The following TMEM170B variants were observed in gnomAD, a reference collection of about 807,000 sequenced individuals.
TMEM170B encodes transmembrane protein 170B.
In TMEM170B, 6 loss-of-function variants were observed where a neutral mutation model predicts 13.0. That is an observed-to-expected ratio of 0.46 (90% CI 0.25 to 0.91). The LOEUF (loss-of-function observed/expected upper bound fraction) is 0.91, where lower values mean the gene tolerates loss of function less well. TMEM170B is among the 40% of genes least tolerant of loss of function. The pLI is 0.17. For synonymous variants in TMEM170B, 61 were observed against 64.9 expected, an observed-to-expected ratio of 0.94 and a Z score of 0.29; for missense variants, 138 against 165.2, an observed-to-expected ratio of 0.84 and a Z score of 0.90.
rs945409524 is a variant in TMEM170B at position 11,561,867 on chromosome 6, A to G, written c.98-3799A>G. On this transcript the variant is annotated intron_variant, in intron 1 of 2. Transcript: ENST00000379426. The stretch of plus-strand genomic sequence containing the variant: ...TTTTGATACCTTTGGTTTTTATAAA[A>G]CATTAAACTGAAATTTTACTTTGCC... Among the ~76,000 whole-genome samples, 121 of 152,188 alleles carry G rather than the reference A, an allele frequency of 8.0e-4. 1 individual carries two copies. Among genetic ancestry groups the G allele is most frequent in the Non-Finnish European group, 1.4e-3 (95 of 68,028 alleles).
At chr6:11,553,674 T>C (rs2113769155) in intron 1 of TMEM170B, among the ~76,000 whole-genome samples, 1 of 152,326 alleles carries the variant, frequency 6.6e-6, no homozygotes, top group Admixed American at 6.5e-5. Context: ...TAAGAAAAGT[T>C]TAGAGGTTTT....
chr6:11,545,843 TA>T (rs11426753), intron 1 of TMEM170B, among the ~76,000 whole-genome samples: 1 of 145,564 alleles, frequency 6.9e-6, no homozygotes. Context: ...CTGTGTCTAC[TA>T]AAAAAAAAAT....
In TMEM170B at chr6:11,581,004, T is replaced by C. The variant is rs1348589542; in HGVS notation, c.*5443T>C. 6.6e-6 allele frequency: 1 copy of C among 152,190 alleles called. No individual in the cohort carries two copies. Among genetic ancestry groups the C allele is most frequent in the African/African-American group, 2.4e-5 (1 of 41,432 alleles). The allele number at this position is 152,190 out of a possible 1,614,324, so 9.4% of individuals were successfully genotyped here. On this transcript the variant is annotated 3_prime_UTR_variant, in exon 3 of 3. Coordinates refer to ENST00000379426, the MANE Select transcript of TMEM170B (RefSeq NM_001100829.3). ...CAGTGTTGTTAGGGAGGTTGCTGAA[T>C]TATCTAAAAATGTATCCATGAATTT... is the stretch of plus-strand genomic sequence containing the variant.
chr6:11,560,844 T>G (rs920933519), intron 1 of TMEM170B, among the ~76,000 whole-genome samples: 2 of 152,212 alleles, frequency 1.3e-5, no homozygotes, highest in Admixed American at 1.3e-4. Flanking sequence ...TTACTCAGTA[T>G]TTTTTAGACA....
In TMEM170B at chr6:11,580,324, A is replaced by G. The variant is rs1339966721; in HGVS notation, c.*4763A>G. On this transcript the variant is annotated 3_prime_UTR_variant, in exon 3 of 3. Coordinates refer to ENST00000379426, the MANE Select transcript of TMEM170B (RefSeq NM_001100829.3). ...TGCCGTGCCCAGCCTATTTTTTTTT[A>G]ACTTCAAATACTATTATTTTAAATT... The G allele has an allele frequency of 6.6e-6, 1 of 151,924 alleles. No homozygotes were observed. Among genetic ancestry groups the G allele is most frequent in the Non-Finnish European group, 1.5e-5 (1 of 67,974 alleles). 9.4% of individuals were successfully genotyped at this position (151,924 alleles called of 1,614,324 possible).
chr6:11,567,455 C>T (rs1185191294), intron 2 of TMEM170B, among the ~76,000 whole-genome samples: 1 of 152,162 alleles, frequency 6.6e-6, no homozygotes, highest in Non-Finnish European at 1.5e-5. Flanking sequence ...CTTTATGATG[C>T]AAGGGATTCC....
At chr6:11,558,633 C>T (rs1281325648) in intron 1 of TMEM170B, among the ~76,000 whole-genome samples, 3 of 152,178 alleles carry the variant, frequency 2.0e-5, no homozygotes, top group Non-Finnish European at 4.4e-5. Context: ...CTTATCGCAC[C>T]TCCAACATGA....
chr6:11,555,448 C>G (rs1759575544), intron 1 of TMEM170B, among the ~76,000 whole-genome samples: 2 of 152,034 alleles, frequency 1.3e-5, no homozygotes. Context: ...CTGTGAGAGT[C>G]TTGGATTTGT....
rs1263249658 is a variant in TMEM170B at position 11,538,101 on chromosome 6, G to GCC, written c.-171_-170dup. ...GGCTGCCTGGGAGACACGCTGAGCG[G>GCC]CCCCCCCACGGAGGCCCTCCGGCTG... is the stretch of plus-strand genomic sequence containing the variant. On this transcript the variant is annotated 5_prime_UTR_variant, in exon 1 of 3. Transcript: ENST00000379426. Among the ~76,000 whole-genome samples the GCC allele has an allele frequency of 6.6e-6, 1 of 150,806 alleles. No homozygotes were observed. The highest frequency in any genetic ancestry group is 1.5e-5 in the Non-Finnish European group (1 of 67,488).
chr6:11,567,604 T>A (rs912439815), intron 2 of TMEM170B, among the ~76,000 whole-genome samples: 1 of 152,232 alleles, frequency 6.6e-6, no homozygotes, highest in Admixed American at 6.5e-5. Context: ...TCTGTTTTCT[T>A]ATCCTTCAAT....
intron 2 of TMEM170B, among the ~76,000 whole-genome samples, chr6:11,571,036 C>G (rs1759792474): frequency 6.6e-6 from 1 of 152,102 alleles, no homozygotes; most frequent in African/African-American, 2.4e-5. Flanking sequence ...GTTTGCCAAC[C>G]TCGATCTAAC....
In TMEM170B at chr6:11,537,927, G is replaced by A. The variant is rs1759301540; in HGVS notation, c.-351G>A. ...TGACCTCGGCCTCCTCGCGTGTCCA[G>A]TCCCCGCGGCGCGGCGCTGCCCCTG... On this transcript the variant is annotated 5_prime_UTR_variant, in exon 1 of 3. Transcript: ENST00000379426. Among the ~76,000 whole-genome samples the A allele has an allele frequency of 6.6e-6, 1 of 151,642 alleles. No individual in the cohort carries two copies. Among genetic ancestry groups the A allele is most frequent in the South Asian group, 2.1e-4 (1 of 4,830 alleles).
intron 1 of TMEM170B, among the ~76,000 whole-genome samples, chr6:11,546,295 A>C (rs1440484110): frequency 4.6e-5 from 7 of 152,046 alleles, no homozygotes; most frequent in Non-Finnish European, 1.0e-4. Context: ...TAAGAATATA[A>C]AGTATTTTTC....
chr6:11,550,097 C>T (rs1242615413), intron 1 of TMEM170B, among the ~76,000 whole-genome samples: 1 of 151,940 alleles, frequency 6.6e-6, no homozygotes, highest in Non-Finnish European at 1.5e-5. Flanking sequence ...CTTGGCCTCC[C>T]AAAATGCTAG....
intron 1 of TMEM170B, among the ~76,000 whole-genome samples, chr6:11,557,990 G>A (rs528839666): frequency 1.3e-5 from 2 of 152,186 alleles, no homozygotes; most frequent in South Asian, 4.1e-4. Flanking sequence ...GCTCACTGCA[G>A]CCTCAAACTG....
intron 2 of TMEM170B, among the ~76,000 whole-genome samples, chr6:11,570,882 C>T (rs1410577871): frequency 6.6e-6 from 1 of 152,092 alleles, no homozygotes. Context: ...TATTGATGGA[C>T]ACTAAAATCA....
intron 1 of TMEM170B, among the ~76,000 whole-genome samples, chr6:11,546,717 G>A (rs990002694): frequency 2.6e-5 from 4 of 152,146 alleles, no homozygotes; most frequent in African/African-American, 9.7e-5. Context: ...CAGGTTTGTT[G>A]CCTAGGAGCA....
In TMEM170B at chr6:11,540,401, G is replaced by A. The variant is rs1403777918; in HGVS notation, c.97+2027G>A. Reference sequence around the variant, plus strand: ...GTTGTCATTTCCACGGTGTTCACATGATCTTCACCAGGAGTAGATTGCATC... The same window carrying A: ...GTTGTCATTTCCACGGTGTTCACATAATCTTCACCAGGAGTAGATTGCATC... On this transcript the variant is annotated intron_variant, in intron 1 of 2. Coordinates refer to ENST00000379426, the MANE Select transcript of TMEM170B (RefSeq NM_001100829.3). Among the ~76,000 whole-genome samples, 6 of 152,172 alleles carry A rather than the reference G, an allele frequency of 3.9e-5. No individual in the cohort carries two copies. The South Asian group carries it at 6.2e-4, about 16-fold the overall frequency.
intron 1 of TMEM170B, among the ~76,000 whole-genome samples, chr6:11,552,660 T>A (rs1213333888): frequency 6.6e-6 from 1 of 152,140 alleles, no homozygotes; most frequent in Non-Finnish European, 1.5e-5. Context: ...AAGCTATACA[T>A]ATTTATGAGA....
Sources: allele counts gnomAD v4.1 joint callset (sites outside exome capture counted in the v4.1 genomes callset), GRCh38; gene constraint gnomAD v4.1.1; transcripts MANE v1.5; gene names NCBI Gene and HGNC (gene_info 2026-07-23, HGNC 2026-07-21).